The following DHX15 variants were observed in gnomAD, a reference collection of about 807,000 sequenced individuals.
DHX15 encodes the protein DEAH-box helicase 15.
Under a neutral mutation model 94.4 loss-of-function variants are expected in DHX15, and 11 were observed. The observed-to-expected ratio is 0.12, with a 90% CI of 0.07 to 0.19. The LOEUF is 0.19. Among genes scored for constraint, DHX15 ranks in the 10% least tolerant of loss-of-function variants. The pLI is 1.00. For missense variants in DHX15, 304 were observed against 988.5 expected (o/e 0.31, Z 9.29); for synonymous variants, 338 against 329.9 (o/e 1.02, Z -0.27).
chr4:24,554,591 T>C lies in DHX15; in HGVS notation c.1080+134A>G, dbSNP rs1317171151. On this transcript the variant is annotated intron_variant, in intron 5 of 13. Transcript: ENST00000336812. ...GTATGCAGATAAAAGGGGTTATATA[T>C]TTTACATATTAATACAATCAGGTTG... 3 of 664,460 alleles carry C rather than the reference T, an allele frequency of 4.5e-6. No homozygotes were observed. The African/African-American group carries it at 5.5e-5, about 12-fold the overall frequency. 41.2% of individuals were successfully genotyped at this position (664,460 alleles called of 1,614,324 possible).
At chr4:24,562,763 T>C (rs955062010) in intron 3 of DHX15, among the ~76,000 whole-genome samples, 7 of 152,168 alleles carry the variant, frequency 4.6e-5, no homozygotes, top group African/African-American at 1.7e-4. Flanking sequence ...ACCCCAAGCA[T>C]AGAAAAGAGT....
chr4:24,563,110 T>C (rs1455540100), intron 3 of DHX15: 2 of 151,310 alleles, frequency 1.3e-5, no homozygotes, highest in African/African-American at 4.8e-5. Flanking sequence ...AACTGATCTT[T>C]CAGGTTTATC....
rs760551356 is a variant in DHX15, at chr4:24,540,217, T to C, written c.1677A>G (p.Gly559=). The change falls in exon 10 of 14, where the codon GGA becomes GGG. Residue 559 remains glycine, a synonymous_variant. Transcript: ENST00000336812. ...LNDDGDLTEL[G]SMMAEFPLDP... is the part of the protein sequence containing the mutation. ...CTAGAGGAAACTCTGCCATCATGGA[T>C]CCCAATTCAGTCAGATCTCCATCAT... 1 of 1,613,516 alleles carries C rather than the reference T, an allele frequency of 6.2e-7. No individual in the cohort carries two copies. The highest frequency in any genetic ancestry group is 8.5e-7 in the Non-Finnish European group (1 of 1,179,594).
chr4:24,562,778 T>C (rs1409597673), intron 3 of DHX15, among the ~76,000 whole-genome samples: 1 of 152,206 alleles, frequency 6.6e-6, no homozygotes, highest in Non-Finnish European at 1.5e-5. Context: ...AAGAGTCATA[T>C]ATATGAACAC....
intron 3 of DHX15, among the ~76,000 whole-genome samples, chr4:24,564,384 G>A (rs1392613627): frequency 1.3e-5 from 2 of 152,194 alleles, no homozygotes; most frequent in African/African-American, 4.8e-5. Flanking sequence ...AATTAAGACA[G>A]TGTGAGAACT....
At chr4:24,564,879 A>T (rs1386953418) in intron 3 of DHX15, among the ~76,000 whole-genome samples, 1 of 152,228 alleles carries the variant, frequency 6.6e-6, no homozygotes, top group East Asian at 1.9e-4. Flanking sequence ...CAGGGCAAAA[A>T]GGAAACATCA....
intron 3 of DHX15, among the ~76,000 whole-genome samples, chr4:24,562,767 A>G (rs1351981402): frequency 6.6e-6 from 1 of 152,206 alleles, no homozygotes. Flanking sequence ...CAAGCATAGA[A>G]AAGAGTCATA....
chr4:24,573,746 T>C (rs1336558673), intron 2 of DHX15, among the ~76,000 whole-genome samples: 1 of 152,190 alleles, frequency 6.6e-6, no homozygotes, highest in East Asian at 1.9e-4. Context: ...CCAAACCCTC[T>C]GTATTCTAGC....
At chr4:24,558,666 G>A (rs536877457) in intron 3 of DHX15, among the ~76,000 whole-genome samples, 5 of 152,104 alleles carry the variant, frequency 3.3e-5, no homozygotes, top group Non-Finnish European at 5.9e-5. Flanking sequence ...TCCATGAGGT[G>A]CTGCACTTAA....
At chr4:24,570,097 C>T (rs1022519318) in intron 3 of DHX15, among the ~76,000 whole-genome samples, 3 of 152,190 alleles carry the variant, frequency 2.0e-5, no homozygotes, top group African/African-American at 7.2e-5. Context: ...AGAGTTAAAA[C>T]ATTAGAAAGC....
chr4:24,580,555 C>T (rs1577353687), intron 1 of DHX15, among the ~76,000 whole-genome samples: 1 of 148,156 alleles, frequency 6.7e-6, no homozygotes, highest in East Asian at 2.0e-4. Context: ...GTTACCCAGG[C>T]TGGAGTGTAG....
At chr4:24,543,394 T>G (rs1721357569) in intron 6 of DHX15, among the ~76,000 whole-genome samples, 1 of 152,128 alleles carries the variant, frequency 6.6e-6, no homozygotes, top group Non-Finnish European at 1.5e-5. Context: ...GTATTCAAAT[T>G]TCCACAAGTG....
intron 8 of DHX15, among the ~76,000 whole-genome samples, 185 bp downstream of exon 8, chr4:24,541,688 A>C (rs991847835): frequency 1.3e-5 from 2 of 152,048 alleles, no homozygotes; most frequent in Admixed American, 1.3e-4. Flanking sequence ...CTTGGAATGT[A>C]TCAGCCTGGA....
At chr4:24,553,062 C>T (rs1269401802) in intron 5 of DHX15, among the ~76,000 whole-genome samples, 1 of 152,238 alleles carries the variant, frequency 6.6e-6, no homozygotes, top group Non-Finnish European at 1.5e-5. Context: ...GTGGCTCACG[C>T]CTGTAATCCC....
At chr4:24,572,472 TCAAC>T (rs1722144852) in intron 2 of DHX15, among the ~76,000 whole-genome samples, 2 of 152,138 alleles carry the variant, frequency 1.3e-5, no homozygotes, top group African/African-American at 4.8e-5. Flanking sequence ...TCCGCTAAAA[TCAAC>T]AGCTTACCTC....
chr4:24,540,356 A>G lies in DHX15; in HGVS notation c.1595-57T>C, dbSNP rs1459043355. ...TGCCTTAAGCAAGCAAAAATGTGACAAAGTACAAACTATTATAAGCAATCT... is the reference window on the plus strand; with the variant it reads ...TGCCTTAAGCAAGCAAAAATGTGACGAAGTACAAACTATTATAAGCAATCT... On this transcript the variant is annotated intron_variant, in intron 9 of 13. Transcript: ENST00000336812. 4 of 1,456,478 alleles carry G rather than the reference A, an allele frequency of 2.7e-6. No individual in the cohort carries two copies. The African/African-American group carries it at 4.3e-5, about 16-fold the overall frequency. 90.2% of individuals were successfully genotyped at this position (1,456,478 alleles called of 1,614,324 possible).
intron 3 of DHX15, among the ~76,000 whole-genome samples, chr4:24,566,273 T>TG (rs975822599): frequency 1.3e-5 from 2 of 152,058 alleles, no homozygotes; most frequent in Non-Finnish European, 2.9e-5. Context: ...TGGACTCAAG[T>TG]GATCCTCCTG....
chr4:24,557,246 T>A (rs781210637), intron 3 of DHX15, among the ~76,000 whole-genome samples: 1 of 152,180 alleles, frequency 6.6e-6, no homozygotes, highest in Non-Finnish European at 1.5e-5. Flanking sequence ...GATGTCACTA[T>A]GAAAAACAAC....
intron 3 of DHX15, among the ~76,000 whole-genome samples, chr4:24,557,491 T>C (rs1188950701): frequency 6.6e-6 from 1 of 152,162 alleles, no homozygotes; most frequent in Non-Finnish European, 1.5e-5. Flanking sequence ...GAGCATTAAG[T>C]TCAGCAAATT....
Sources: gnomAD v4.1 joint callset for allele counts (sites outside exome capture counted in the v4.1 genomes callset) on GRCh38, gnomAD v4.1.1 for gene constraint, MANE v1.5 for transcripts, NCBI Gene and HGNC (gene_info 2026-07-23, HGNC 2026-07-21) for gene names.